Variants in ZNF609 observed in about 807,000 individuals in gnomAD.
ZNF609 encodes zinc finger protein 609.
ZNF609 carries 11 observed loss-of-function variants against 109.5 expected under a neutral mutation model. The ratio of observed to expected loss-of-function variants is 0.10; its 90% CI spans 0.06 to 0.17. ZNF609 has a LOEUF of 0.17. Among genes scored for constraint, ZNF609 ranks in the 10% least tolerant of loss-of-function variants. ZNF609 has a pLI of 1.00. For missense variants in ZNF609, 1,559 were observed against 1,772.4 expected, an observed-to-expected ratio of 0.88 and a Z score of 2.16; for synonymous variants, 646 against 662.0, an observed-to-expected ratio of 0.98 and a Z score of 0.37.
At chr15:64,612,911 A>G (rs1318848449) in intron 2 of ZNF609, among the ~76,000 whole-genome samples, 2 of 152,114 alleles carry the variant, frequency 1.3e-5, no homozygotes, top group Non-Finnish European at 2.9e-5. Flanking sequence ...GCTACCCAGG[A>G]GGCTGAGGCA....
intron 2 of ZNF609, among the ~76,000 whole-genome samples, chr15:64,505,042 T>C (rs763454593): frequency 2.6e-5 from 4 of 152,194 alleles, no homozygotes; most frequent in Non-Finnish European, 5.9e-5. Context: ...AAAACTGCTT[T>C]CACTTGTTTT....
intron 1 of ZNF609, among the ~76,000 whole-genome samples, chr15:64,468,939 A>G (rs1301612706): frequency 6.6e-6 from 1 of 151,104 alleles, no homozygotes; most frequent in African/African-American, 2.4e-5. Flanking sequence ...AGTCAGGTTG[A>G]CACTTGTAGT....
intron 2 of ZNF609, among the ~76,000 whole-genome samples, chr15:64,518,359 G>A (rs1282525372): frequency 6.6e-6 from 1 of 152,164 alleles, no homozygotes; most frequent in Non-Finnish European, 1.5e-5. Flanking sequence ...AGGCTAAGTG[G>A]TAAGACTAAT....
chr15:64,622,211 T>C (rs1473670033), intron 2 of ZNF609, among the ~76,000 whole-genome samples: 1 of 152,196 alleles, frequency 6.6e-6, no homozygotes, highest in Non-Finnish European at 1.5e-5. Flanking sequence ...GGGTTAGAAA[T>C]TCCCACCAGG....
In ZNF609 at chr15:64,499,763, C is replaced by A. The variant is rs755933208; in HGVS notation, c.344C>A (p.Ala115Glu). 5.0e-6 allele frequency: 8 copies of A among 1,614,052 alleles called. 1 individual carries two copies. The highest frequency in any genetic ancestry group is 1.7e-6 in the Non-Finnish European group (2 of 1,180,020). The change falls in exon 2 of 10, where the codon GCA (alanine) becomes GAA (glutamate). Residue 115 changes from alanine to glutamate, a missense_variant. Transcript: ENST00000326648. ...GTSLFTPSEG[A>E]ASKKEVQGRS... Reference sequence around the variant, plus strand: ...TCCCTGTTCACTCCAAGTGAGGGGGCAGCTAGCAAGAAAGAGGTGCAGGGG... The same window carrying A: ...TCCCTGTTCACTCCAAGTGAGGGGGAAGCTAGCAAGAAAGAGGTGCAGGGG...
chr15:64,534,013 CTT>C (rs530096798), intron 2 of ZNF609, among the ~76,000 whole-genome samples: 21 of 142,428 alleles, frequency 1.5e-4, no homozygotes, highest in East Asian at 2.0e-4. Context: ...TGTTATTAAC[CTT>C]TTTTTTTTTT....
chr15:64,491,876 G>A (rs1399649011), intron 1 of ZNF609, among the ~76,000 whole-genome samples: 1 of 151,778 alleles, frequency 6.6e-6, no homozygotes, highest in Non-Finnish European at 1.5e-5. Flanking sequence ...TGAGTCTTGA[G>A]ATTGGTACCT....
At chr15:64,579,191 G>A (rs1412223768) in intron 2 of ZNF609, among the ~76,000 whole-genome samples, 1 of 151,836 alleles carries the variant, frequency 6.6e-6, no homozygotes, top group Non-Finnish European at 1.5e-5. Flanking sequence ...ATAGTGTAGG[G>A]AGACCCATCT....
intron 2 of ZNF609, among the ~76,000 whole-genome samples, chr15:64,568,746 C>T (rs1356320188): frequency 6.6e-6 from 1 of 152,134 alleles, no homozygotes; most frequent in African/African-American, 2.4e-5. Flanking sequence ...TACTGAACAT[C>T]TACAATGTGT....
intron 1 of ZNF609, among the ~76,000 whole-genome samples, chr15:64,485,578 G>A (rs1817376177): frequency 6.6e-6 from 1 of 152,118 alleles, no homozygotes; most frequent in Non-Finnish European, 1.5e-5. Context: ...TGAGGTGGGA[G>A]GATCACTTAA....
At chr15:64,607,605 A>G (rs1003211811) in intron 2 of ZNF609, among the ~76,000 whole-genome samples, 5 of 151,250 alleles carry the variant, frequency 3.3e-5, no homozygotes, top group African/African-American at 9.7e-5. Flanking sequence ...CCCAGGTTCA[A>G]GTGATTCTGT....
At chr15:64,679,220 G>A (rs1204415371) in intron 6 of ZNF609, among the ~76,000 whole-genome samples, 1 of 152,132 alleles carries the variant, frequency 6.6e-6, no homozygotes, top group Non-Finnish European at 1.5e-5. Context: ...TTACAGGCAT[G>A]TGCCACCACT....
intron 1 of ZNF609, among the ~76,000 whole-genome samples, chr15:64,473,222 A>AC (rs1893116309): frequency 8.7e-6 from 1 of 115,146 alleles, no homozygotes; most frequent in Admixed American, 9.4e-5. Context: ...TTTTGGAGAC[A>AC]GAGTCTTGCT....
At chr15:64,563,999 T>G (rs2140406580) in intron 2 of ZNF609, among the ~76,000 whole-genome samples, 1 of 152,136 alleles carries the variant, frequency 6.6e-6, no homozygotes. Flanking sequence ...TTCTCCTGCC[T>G]TAGCCTCCCG....
chr15:64,570,700 T>C (rs956803676), intron 2 of ZNF609, among the ~76,000 whole-genome samples: 4 of 152,314 alleles, frequency 2.6e-5, no homozygotes, highest in East Asian at 1.9e-4. Context: ...CTCCTATTAT[T>C]TTCATGTTAT....
At chr15:64,635,246 C>CA (rs1362742318) in intron 3 of ZNF609, among the ~76,000 whole-genome samples, 1 of 152,182 alleles carries the variant, frequency 6.6e-6, no homozygotes, top group Non-Finnish European at 1.5e-5. Context: ...ATTTCAGTAA[C>CA]AAAACCCAGA....
intron 3 of ZNF609, among the ~76,000 whole-genome samples, chr15:64,655,391 G>A (rs1280914596): frequency 6.6e-6 from 1 of 151,868 alleles, no homozygotes; most frequent in African/African-American, 2.4e-5. Context: ...AGCCAAGATC[G>A]TGCCATTGCA....
chr15:64,682,027 C>T lies in ZNF609; in HGVS notation c.*341C>T, dbSNP rs1567047487. 1 of 152,878 alleles carries T rather than the reference C, an allele frequency of 6.5e-6. No individual in the cohort carries two copies. The highest frequency in any genetic ancestry group is 6.5e-5 in the Admixed American group (1 of 15,296). 9.5% of individuals were successfully genotyped at this position (152,878 alleles called of 1,614,324 possible). ...CCAGAGAAGCCACTGCTCTGTTCCC[C>T]AAGCCCTTGGTCTGCTGCTGGAGCA... On this transcript the variant is annotated 3_prime_UTR_variant, in exon 10 of 10. Coordinates refer to ENST00000326648, the MANE Select transcript of ZNF609 (RefSeq NM_015042.2).
chr15:64,473,115 C>T (rs1350241476), intron 1 of ZNF609, among the ~76,000 whole-genome samples: 5 of 151,716 alleles, frequency 3.3e-5, no homozygotes, highest in Non-Finnish European at 7.4e-5. Context: ...ATTTGAAACC[C>T]GCCTATGCTT....
Sources: allele counts gnomAD v4.1 joint callset (sites outside exome capture counted in the v4.1 genomes callset), GRCh38; gene constraint gnomAD v4.1.1; transcripts MANE v1.5; gene names NCBI Gene and HGNC (gene_info 2026-07-23, HGNC 2026-07-21).